Variants in MPPED2 observed in about 807,000 individuals in gnomAD.
MPPED2 encodes metallophosphoesterase MPPED2.
Under a neutral mutation model 33.0 loss-of-function variants are expected in MPPED2, and 5 were observed. That is an observed-to-expected ratio of 0.15 (90% CI 0.08 to 0.32). The LOEUF is 0.32. Among genes scored for constraint, MPPED2 ranks in the 10% least tolerant of loss-of-function variants. The pLI is 1.00. For missense variants in MPPED2, 275 were observed against 372.1 expected, an observed-to-expected ratio of 0.74 and a Z score of 2.15; for synonymous variants, 136 against 141.9, an observed-to-expected ratio of 0.96 and a Z score of 0.29.
chr11:30,469,315 T>A (rs1023454478), intron 4 of MPPED2, among the ~76,000 whole-genome samples: 14 of 152,144 alleles, frequency 9.2e-5, no homozygotes, highest in African/African-American at 3.4e-4. Context: ...TGAATAGTAA[T>A]GACAACAATA....
chr11:30,504,723 C>A, intron 3 of MPPED2: 1 of 1,248,716 alleles, frequency 8.0e-7, no homozygotes, highest in East Asian at 5.6e-5. Flanking sequence ...ACAGCTCTAA[C>A]GTTAATACTC....
chr11:30,434,204 T>A (rs1222839283), intron 4 of MPPED2, among the ~76,000 whole-genome samples: 1 of 152,220 alleles, frequency 6.6e-6, no homozygotes, highest in Non-Finnish European at 1.5e-5. Flanking sequence ...GGGATTAGGA[T>A]GTGGACATCT....
At chr11:30,551,526 A>T (rs1490913614) in intron 2 of MPPED2, among the ~76,000 whole-genome samples, 2 of 152,222 alleles carry the variant, frequency 1.3e-5, no homozygotes, top group Non-Finnish European at 2.9e-5. Flanking sequence ...TAATAAATTT[A>T]TGAATTCTAG....
intron 3 of MPPED2, among the ~76,000 whole-genome samples, chr11:30,505,219 C>T (rs965668104): frequency 9.2e-5 from 14 of 152,184 alleles, no homozygotes; most frequent in African/African-American, 2.7e-4. Flanking sequence ...CTCAGCAACT[C>T]CTTATTTGTA....
intron 6 of MPPED2, among the ~76,000 whole-genome samples, chr11:30,389,941 T>C (rs563646362): frequency 2.0e-5 from 3 of 152,306 alleles, no homozygotes; most frequent in African/African-American, 7.2e-5. Context: ...ACACACAAAA[T>C]ACCCACAGCT....
At chr11:30,493,033 G>A (rs966817819) in intron 4 of MPPED2, among the ~76,000 whole-genome samples, 54 of 152,294 alleles carry the variant, frequency 3.5e-4, no homozygotes, top group African/African-American at 1.3e-3. Context: ...CAAAATCATT[G>A]TCGGGGTTGA....
chr11:30,485,220 T>G (rs1951664488), intron 4 of MPPED2, among the ~76,000 whole-genome samples: 1 of 152,222 alleles, frequency 6.6e-6, no homozygotes, highest in Non-Finnish European at 1.5e-5. Flanking sequence ...ATTATTTAAC[T>G]TCTCTAACCT....
chr11:30,443,459 T>C (rs1444176579), intron 4 of MPPED2, among the ~76,000 whole-genome samples: 2 of 152,150 alleles, frequency 1.3e-5, no homozygotes, highest in Non-Finnish European at 2.9e-5. Flanking sequence ...TCTCATTGTC[T>C]TCCTTATATA....
In MPPED2 at chr11:30,411,222, A is replaced by G; in HGVS notation, c.*246T>C. On this transcript the variant is annotated 3_prime_UTR_variant, in exon 7 of 7. Transcript: ENST00000358117. ...GTCCTTTGGCGAACACTAACAATTTACAATGGCATGGCCTTTGAGAAAACA... is the reference window on the plus strand; with the variant it reads ...GTCCTTTGGCGAACACTAACAATTTGCAATGGCATGGCCTTTGAGAAAACA... 1.8e-6 allele frequency: 2 copies of G among 1,123,008 alleles called. No homozygotes were observed. Among genetic ancestry groups the G allele is most frequent in the Non-Finnish European group, 2.2e-6 (2 of 917,410 alleles). 69.6% of individuals were successfully genotyped at this position (1,123,008 alleles called of 1,614,324 possible). A position where few individuals can be genotyped will look rare whatever the true frequency, so the allele number is the denominator to read the frequency against.
chr11:30,506,630 G>A (rs1449662059), intron 3 of MPPED2, among the ~76,000 whole-genome samples: 1 of 152,136 alleles, frequency 6.6e-6, no homozygotes, highest in African/African-American at 2.4e-5. Context: ...TGCAAATCCT[G>A]TGTGTTTGCA....
At chr11:30,449,939 A>C (rs978722534) in intron 4 of MPPED2, among the ~76,000 whole-genome samples, 4 of 152,156 alleles carry the variant, frequency 2.6e-5, no homozygotes, top group African/African-American at 9.7e-5. Flanking sequence ...CTGTCTAGTC[A>C]TATCTCCACA....
chr11:30,410,208 C>A (rs1948052851), downstream of MPPED2: 1 of 985,780 alleles, frequency 1.0e-6, no homozygotes, highest in Non-Finnish European at 1.2e-6. Flanking sequence ...CCATCCAACC[C>A]TCTAAACAGC....
chr11:30,504,683 G>A lies in MPPED2; in HGVS notation c.311-9162C>T, dbSNP rs138897133. 1.8e-4 allele frequency: 163 copies of A among 917,624 alleles called. No individual in the cohort carries two copies. In the East Asian group the frequency reaches 4.9e-3, roughly 28 times the overall value. The allele number at this position is 917,624 out of a possible 1,614,324, so 56.8% of individuals were successfully genotyped here. On this transcript the variant is annotated intron_variant, in intron 3 of 6. Coordinates refer to ENST00000358117, the MANE Select transcript of MPPED2 (RefSeq NM_001584.3). ...TGTCTCTGACCTCAGTCTGTCCCCC[G>A]TCAGGCTCCATTAATTTTCACAAGT...
chr11:30,397,972 T>C (rs1476001700), intron 6 of MPPED2, among the ~76,000 whole-genome samples: 3 of 152,160 alleles, frequency 2.0e-5, no homozygotes, highest in Non-Finnish European at 4.4e-5. Flanking sequence ...GCAAGATCTC[T>C]TAGCTTGACC....
chr11:30,577,161 T>G (rs1956966720), intron 2 of MPPED2, among the ~76,000 whole-genome samples: 1 of 152,190 alleles, frequency 6.6e-6, no homozygotes. Flanking sequence ...TAACCATCAT[T>G]TGGTGCAAAT....
chr11:30,563,466 A>G (rs1590871994), intron 2 of MPPED2, among the ~76,000 whole-genome samples: 1 of 152,102 alleles, frequency 6.6e-6, no homozygotes, highest in South Asian at 2.1e-4. Context: ...TCTACAGAAT[A>G]CCCAAGGTAG....
intron 3 of MPPED2, among the ~76,000 whole-genome samples, chr11:30,502,347 T>G (rs75012638): frequency 0.021 from 3,215 of 152,266 alleles, 101 homozygotes; most frequent in African/African-American, 0.074. Flanking sequence ...TTTATGGCCC[T>G]TTTAGTTTGT....
At chr11:30,398,132 C>T (rs1193911584) in intron 6 of MPPED2, among the ~76,000 whole-genome samples, 3 of 152,122 alleles carry the variant, frequency 2.0e-5, no homozygotes, top group Admixed American at 1.3e-4. Flanking sequence ...TGAATTATCA[C>T]AGCTTTTTCT....
intron 4 of MPPED2, among the ~76,000 whole-genome samples, chr11:30,490,516 A>G (rs1334179114): frequency 6.6e-6 from 1 of 152,060 alleles, no homozygotes; most frequent in African/African-American, 2.4e-5. Context: ...TTCATCAACT[A>G]TTGCCTTCCC....
Sources: allele counts gnomAD v4.1 joint callset (sites outside exome capture counted in the v4.1 genomes callset), GRCh38; gene constraint gnomAD v4.1.1; transcripts MANE v1.5; gene names NCBI Gene and HGNC (gene_info 2026-07-23, HGNC 2026-07-21).